CEP112: variants seen among roughly 807,000 people sequenced by gnomAD.
CEP112 encodes centrosomal protein 112.
In CEP112, 127 loss-of-function variants were observed where a neutral mutation model predicts 153.0. The ratio of observed to expected loss-of-function variants is 0.83; its 90% CI spans 0.72 to 0.96. The LOEUF is 0.96. Among genes scored for constraint, CEP112 ranks in the 40% least tolerant of loss-of-function variants. The pLI, the probability that CEP112 is intolerant of heterozygous loss-of-function variation, is 0.00. For synonymous variants in CEP112, 358 were observed against 374.4 expected (o/e 0.96, Z 0.51); for missense variants, 1,089 against 1,101.2 (o/e 0.99, Z 0.16).
At chr17:65,747,635 G>A (rs561731322) in intron 22 of CEP112, among the ~76,000 whole-genome samples, 7 of 152,200 alleles carry the variant, frequency 4.6e-5, no homozygotes, top group South Asian at 4.2e-4. Flanking sequence ...TGTATGCATC[G>A]TCTCCATTCT....
At chr17:65,920,400 T>TATATATATATATAA (rs1254685722) in intron 19 of CEP112, among the ~76,000 whole-genome samples, 1 of 113,848 alleles carries the variant, frequency 8.8e-6, no homozygotes. Flanking sequence ...TATATATATA[T>TATATATATATATAA]ATATAATTAT....
chr17:65,865,948 G>A (rs559738948), intron 20 of CEP112, among the ~76,000 whole-genome samples: 2 of 152,266 alleles, frequency 1.3e-5, no homozygotes, highest in East Asian at 1.9e-4. Flanking sequence ...GCCGGTGGGA[G>A]CTGGGAGCAG....
chr17:66,022,090 C>G (rs1380920060), intron 16 of CEP112, among the ~76,000 whole-genome samples: 1 of 152,154 alleles, frequency 6.6e-6, no homozygotes, highest in Admixed American at 6.5e-5. Context: ...TGTGAGCCTG[C>G]TTACCTTCCA....
At chr17:65,856,305 A>C (rs1397260586) in intron 20 of CEP112, among the ~76,000 whole-genome samples, 2 of 152,216 alleles carry the variant, frequency 1.3e-5, no homozygotes, top group Non-Finnish European at 2.9e-5. Flanking sequence ...AATGTAAAAG[A>C]AAAGCTAATA....
At chr17:65,656,796 G>A (rs1357416525) in intron 24 of CEP112, among the ~76,000 whole-genome samples, 1 of 152,168 alleles carries the variant, frequency 6.6e-6, no homozygotes, top group Non-Finnish European at 1.5e-5. Flanking sequence ...CCTGGCATAT[G>A]GTAGCAACTC....
chr17:65,791,820 C>T (rs1009481745), intron 21 of CEP112, among the ~76,000 whole-genome samples: 6 of 151,974 alleles, frequency 3.9e-5, no homozygotes, highest in African/African-American at 1.4e-4. Flanking sequence ...TTATGTGGTT[C>T]CCCCTAAAAA....
chr17:66,066,967 TAAATAG>T, intron 9 of CEP112, 90 bp from the exon 10 acceptor site: 1 of 798,804 alleles, frequency 1.3e-6, no homozygotes, highest in Non-Finnish European at 1.8e-6. Context: ...TTCTAAAACA[TAAATAG>T]AAAAAGTGAT....
chr17:66,069,821 G>T (rs547464485), intron 9 of CEP112, 94 bp downstream of exon 9: 1 of 667,956 alleles, frequency 1.5e-6, no homozygotes, highest in Non-Finnish European at 2.5e-6. Flanking sequence ...TGGATGGATG[G>T]TTGGAAGAAT....
chr17:65,799,655 A>G (rs1386076104), intron 21 of CEP112, among the ~76,000 whole-genome samples: 1 of 152,216 alleles, frequency 6.6e-6, no homozygotes, highest in African/African-American at 2.4e-5. Context: ...TACAGTTCTG[A>G]GGAGGCAAAG....
intron 23 of CEP112, among the ~76,000 whole-genome samples, chr17:65,712,314 CTATGATATA>C (rs1334418083): frequency 6.6e-6 from 1 of 152,120 alleles, no homozygotes; most frequent in African/African-American, 2.4e-5. Flanking sequence ...TAATTCATGG[CTATGATATA>C]CAGAAGATGA....
intron 24 of CEP112, among the ~76,000 whole-genome samples, chr17:65,656,626 A>T (rs2046076011): frequency 6.6e-6 from 1 of 152,168 alleles, no homozygotes; most frequent in Non-Finnish European, 1.5e-5. Context: ...GGCAGTATTG[A>T]GTAGTCTTGA....
chr17:66,183,544 A>G (rs1236026211), intron 1 of CEP112, among the ~76,000 whole-genome samples: 1 of 151,788 alleles, frequency 6.6e-6, no homozygotes, highest in Non-Finnish European at 1.5e-5. Flanking sequence ...TTGAGAAAGT[A>G]CAAAGTTGGA....
At chr17:65,821,531 TA>T (rs1805152406) in intron 21 of CEP112, among the ~76,000 whole-genome samples, 10 of 27,690 alleles carry the variant, frequency 3.6e-4, no homozygotes, top group East Asian at 1.4e-3. Flanking sequence ...TATATATATA[TA>T]TATATATATT....
At chr17:66,068,563 C>T (rs1336743295) in intron 9 of CEP112, among the ~76,000 whole-genome samples, 2 of 152,124 alleles carry the variant, frequency 1.3e-5, no homozygotes, top group African/African-American at 4.8e-5. Flanking sequence ...AAATGCCAGA[C>T]AAGAGTAAAC....
chr17:66,010,600 T>C (rs901811050), intron 16 of CEP112, among the ~76,000 whole-genome samples: 1 of 152,178 alleles, frequency 6.6e-6, no homozygotes, highest in Non-Finnish European at 1.5e-5. Flanking sequence ...GGGTTTCTCA[T>C]AGATGGCTCT....
At chr17:66,006,834 C>T (rs952016776) in intron 16 of CEP112, among the ~76,000 whole-genome samples, 5 of 151,054 alleles carry the variant, frequency 3.3e-5, no homozygotes, top group South Asian at 2.1e-4. Flanking sequence ...TGGGAAAACC[C>T]GCTACAGACC....
At chr17:65,806,316 T>TG (rs147200822) in intron 21 of CEP112, among the ~76,000 whole-genome samples, 17,782 of 152,234 alleles carry the variant, frequency 0.12, 1,254 homozygotes, top group Non-Finnish European at 0.16. Context: ...TAGAAAGTGA[T>TG]GGGGGATATT....
intron 20 of CEP112, among the ~76,000 whole-genome samples, chr17:65,871,150 G>A (rs1342698576): frequency 6.6e-6 from 1 of 152,090 alleles, no homozygotes; most frequent in African/African-American, 2.4e-5. Flanking sequence ...TACAACACTG[G>A]GACACAAACA....
chr17:65,781,785 A>G (rs1211928558), intron 21 of CEP112, among the ~76,000 whole-genome samples: 1 of 152,176 alleles, frequency 6.6e-6, no homozygotes, highest in Non-Finnish European at 1.5e-5. Flanking sequence ...TGGTGCTGGG[A>G]TATAGATAGT....
Sources: gnomAD v4.1 joint callset for allele counts (sites outside exome capture counted in the v4.1 genomes callset) on GRCh38, gnomAD v4.1.1 for gene constraint, MANE v1.5 for transcripts, NCBI Gene and HGNC (gene_info 2026-07-23, HGNC 2026-07-21) for gene names.